Variants in LYRM4 observed in about 807,000 individuals in gnomAD.
LYRM4 encodes LYR motif containing 4.
In LYRM4, 9 loss-of-function variants were observed where a neutral mutation model predicts 11.7. The observed-to-expected ratio is 0.77, with a 90% confidence interval of 0.46 to 1.34. The LOEUF (loss-of-function observed/expected upper bound fraction) is 1.34, where lower values mean the gene tolerates loss of function less well. Among genes scored for constraint, LYRM4 ranks in the 40% most tolerant of loss-of-function variants. The pLI, the probability that LYRM4 is intolerant of heterozygous loss-of-function variation, is 0.00. For synonymous variants in LYRM4, 42 were observed against 40.4 expected (o/e 1.04, Z -0.15); for missense variants, 133 against 112.5 (o/e 1.18, Z -0.82).
chr6:5,174,501 A>T (rs1422820631), intron 2 of LYRM4, among the ~76,000 whole-genome samples: 1 of 152,164 alleles, frequency 6.6e-6, no homozygotes, highest in East Asian at 1.9e-4. Flanking sequence ...ATGAAAGGGG[A>T]GAGTACTCAG....
At chr6:5,095,583 T>C in the LYRM4 span, among the ~76,000 whole-genome samples, 2 of 152,176 alleles carry the variant, frequency 1.3e-5, no homozygotes, top group African/African-American at 2.4e-5. Context: ...TCCAGTTAGG[T>C]TACAGTTCAC....
intron 2 of LYRM4, among the ~76,000 whole-genome samples, chr6:5,155,300 T>C (rs1036838962): frequency 1.3e-5 from 2 of 152,162 alleles, no homozygotes; most frequent in Non-Finnish European, 2.9e-5. Context: ...AGGCTGGTCT[T>C]GAACTCCTGG....
At chr6:5,179,069 A>ACAAAAAC (rs752355640) in intron 2 of LYRM4, among the ~76,000 whole-genome samples, 2 of 81,946 alleles carry the variant, frequency 2.4e-5, no homozygotes, top group Non-Finnish European at 5.8e-5. Flanking sequence ...AAAAAACAAA[A>ACAAAAAC]AAAAAAAAAA....
chr6:5,180,996 T>C (rs1028086574), intron 2 of LYRM4, among the ~76,000 whole-genome samples: 12 of 152,234 alleles, frequency 7.9e-5, no homozygotes, highest in African/African-American at 2.9e-4. Flanking sequence ...AAGCAATACA[T>C]CTTAATCCTA....
intron 2 of LYRM4, among the ~76,000 whole-genome samples, chr6:5,208,125 C>T (rs1264500064): frequency 3.3e-5 from 5 of 152,256 alleles, no homozygotes; most frequent in East Asian, 3.9e-4. Context: ...ACTGAGACAA[C>T]GTATTCAAAG....
chr6:5,184,436 C>A (rs1029817855), intron 2 of LYRM4, among the ~76,000 whole-genome samples: 1 of 152,030 alleles, frequency 6.6e-6, no homozygotes, highest in East Asian at 1.9e-4. Flanking sequence ...CAAAAGGGAC[C>A]TATATTAATA....
the LYRM4 span, among the ~76,000 whole-genome samples, chr6:5,057,876 C>T: frequency 6.6e-6 from 1 of 152,016 alleles, no homozygotes; most frequent in African/African-American, 2.4e-5. Context: ...ATCCTCCCAC[C>T]TCAGCCTCCT....
intron 2 of LYRM4, among the ~76,000 whole-genome samples, chr6:5,177,049 T>A (rs1053440934): frequency 6.6e-6 from 1 of 152,194 alleles, no homozygotes; most frequent in African/African-American, 2.4e-5. Flanking sequence ...ATGTCATACA[T>A]GTGCACAAAA....
At chr6:5,087,517 G>C in the LYRM4 span, 1 of 152,302 alleles carries the variant, frequency 6.6e-6, no homozygotes, top group East Asian at 1.9e-4. Context: ...GCACGCCCCG[G>C]CGCCCTTTGT....
intron 2 of LYRM4, among the ~76,000 whole-genome samples, chr6:5,162,225 C>T (rs1174555962): frequency 6.6e-6 from 1 of 152,188 alleles, no homozygotes; most frequent in East Asian, 1.9e-4. Flanking sequence ...CTAAAGCTCG[C>T]TAGATGATTT....
chr6:5,158,473 G>GTT lies in LYRM4; in HGVS notation c.208-48984_208-48983dup, dbSNP rs3055917. The stretch of plus-strand genomic sequence containing the variant: ...GCAGGTTTATTTCTCTGGTCTCCAC[G>GTT]TTTTTTTTTTTTTTTTTTTTAAAGA... On this transcript the variant is annotated intron_variant, in intron 2 of 2. Coordinates refer to ENST00000330636, the MANE Select transcript of LYRM4 (RefSeq NM_020408.6). Among the ~76,000 whole-genome samples the GTT allele has an allele frequency of 9.6e-3, 1,234 of 128,538 alleles. 17 individuals are homozygous for GTT. The highest frequency in any genetic ancestry group is 0.032 in the African/African-American group (1,090 of 34,264). The allele number at this position is 128,538 out of a possible 152,430, so 84.3% of individuals were successfully genotyped here.
chr6:5,109,581 C>T (rs934230072), intron 2 of LYRM4, 90 bp from the exon 3 acceptor site: 2 of 1,358,986 alleles, frequency 1.5e-6, no homozygotes, highest in Admixed American at 3.5e-5. Flanking sequence ...ATTTCTAATA[C>T]AAACGTCGGC....
At chr6:5,079,654 G>T in the LYRM4 span, among the ~76,000 whole-genome samples, 1 of 152,318 alleles carries the variant, frequency 6.6e-6, no homozygotes, top group South Asian at 2.1e-4. Context: ...GAAGAAGATG[G>T]ATTAGAACAA....
chr6:5,087,363 T>C, the LYRM4 span: 2 of 152,364 alleles, frequency 1.3e-5, no homozygotes, highest in South Asian at 2.1e-4. Flanking sequence ...TTCCTTCCTC[T>C]CTACTGCGAA....
intron 2 of LYRM4, among the ~76,000 whole-genome samples, chr6:5,200,172 G>A (rs923674754): frequency 3.9e-5 from 6 of 152,110 alleles, no homozygotes; most frequent in Non-Finnish European, 8.8e-5. Flanking sequence ...TCATTGCCAG[G>A]GTTTACATGA....
At chr6:5,088,659 AG>A in the LYRM4 span, 1 of 152,240 alleles carries the variant, frequency 6.6e-6, no homozygotes, top group Non-Finnish European at 1.5e-5. Context: ...CTAGGGAAGT[AG>A]TGTTTTTTAA....
intron 2 of LYRM4, among the ~76,000 whole-genome samples, chr6:5,196,418 C>T (rs999858270): frequency 6.6e-6 from 1 of 152,160 alleles, no homozygotes; most frequent in African/African-American, 2.4e-5. Context: ...GTCAAGAGTC[C>T]AAACATGGAC....
chr6:5,206,675 T>C (rs979054688), intron 2 of LYRM4, among the ~76,000 whole-genome samples: 3 of 152,218 alleles, frequency 2.0e-5, no homozygotes, highest in Non-Finnish European at 2.9e-5. Context: ...GTGCTATTTT[T>C]ACTCCATTGA....
chr6:5,066,758 T>C, the LYRM4 span: 1 of 744,362 alleles, frequency 1.3e-6, no homozygotes, highest in Non-Finnish European at 2.4e-6. Context: ...TCCGATTGGT[T>C]ACGTAACGCT....
Sources: allele counts gnomAD v4.1 joint callset (sites outside exome capture counted in the v4.1 genomes callset), GRCh38; gene constraint gnomAD v4.1.1; transcripts MANE v1.5; gene names NCBI Gene and HGNC (gene_info 2026-07-23, HGNC 2026-07-21).